Variants in POU2F3 observed in about 807,000 individuals in gnomAD.
POU2F3 encodes the protein POU class 2 homeobox 3, also known as POU domain, class 2, transcription factor 3.
Under a neutral mutation model 59.2 loss-of-function variants are expected in POU2F3, and 23 were observed. That is an observed-to-expected ratio of 0.39 (90% confidence interval 0.28 to 0.55). The LOEUF is 0.55. Among genes scored for constraint, POU2F3 ranks in the 20% least tolerant of loss-of-function variants. The pLI is 0.66. For missense variants in POU2F3, 473 were observed against 544.5 expected (o/e 0.87, Z 1.31); for synonymous variants, 190 against 214.6 (o/e 0.89, Z 1.00).
chr11:120,292,111 A>G (rs1941045039), intron 3 of POU2F3, among the ~76,000 whole-genome samples: 1 of 152,136 alleles, frequency 6.6e-6, no homozygotes, highest in Non-Finnish European at 1.5e-5. Context: ...CCCAGCCTGA[A>G]TTTCTTAAGT....
chr11:120,315,535 A>G (rs1201514785), intron 11 of POU2F3, 108 bp downstream of exon 11: 15 of 1,030,482 alleles, frequency 1.5e-5, no homozygotes, highest in Non-Finnish European at 2.0e-5. Flanking sequence ...ATGCATTTCA[A>G]AGGATATTAA....
chr11:120,249,507 G>C (rs956019897), intron 2 of POU2F3, among the ~76,000 whole-genome samples: 3 of 152,148 alleles, frequency 2.0e-5, no homozygotes, highest in African/African-American at 4.8e-5. Context: ...ACCGCACCGG[G>C]ACTTTTCTCC....
At chr11:120,289,583 T>G (rs1218308744) in intron 3 of POU2F3, among the ~76,000 whole-genome samples, 4 of 152,126 alleles carry the variant, frequency 2.6e-5, no homozygotes, top group Non-Finnish European at 4.4e-5. Flanking sequence ...ACAGCAGCAG[T>G]CCCAAATTGC....
intron 1 of POU2F3, among the ~76,000 whole-genome samples, chr11:120,243,595 G>A (rs1429141574): frequency 6.6e-6 from 1 of 152,122 alleles, no homozygotes; most frequent in Non-Finnish European, 1.5e-5. Flanking sequence ...GAGGAGCCTG[G>A]CCCCACCCCA....
At chr11:120,238,755 A>T (rs1184164653), upstream of POU2F3, among the ~76,000 whole-genome samples, 2 of 142,926 alleles carry the variant, frequency 1.4e-5, no homozygotes, top group African/African-American at 5.2e-5. Flanking sequence ...GCTTGAACCC[A>T]GGAGGTGGAG....
At chr11:120,278,759 T>C (rs769419364) in intron 3 of POU2F3, among the ~76,000 whole-genome samples, 24 of 152,084 alleles carry the variant, frequency 1.6e-4, no homozygotes, top group Non-Finnish European at 2.1e-4. Flanking sequence ...CACAAGGGCC[T>C]GTCAGGGGGT....
rs146961801 is a variant in POU2F3, at chr11:120,281,305, G to GGGGT, written c.132+12063_132+12066dup. On this transcript the variant is annotated intron_variant, in intron 3 of 12. Coordinates refer to ENST00000543440, the MANE Select transcript of POU2F3 (RefSeq NM_014352.4). ...TTCCACTCACAAGAACTGTGTCAAG[G>GGGGT]GGGTGTTAGTGCTCTCATTTAACAA... Among the ~76,000 whole-genome samples, 73 of 151,838 alleles carry GGGGT rather than the reference G, an allele frequency of 4.8e-4. 1 individual carries two copies. The East Asian group carries it at 0.012, about 24-fold the overall frequency.
upstream of POU2F3, chr11:120,236,802 C>T (rs1316020236): frequency 2.9e-5 from 36 of 1,234,104 alleles, no homozygotes; most frequent in Non-Finnish European, 3.4e-5. Context: ...GCTCACCATT[C>T]CCCCTCAACC....
At chr11:120,244,113 T>G (rs895035866) in intron 1 of POU2F3, among the ~76,000 whole-genome samples, 1 of 152,190 alleles carries the variant, frequency 6.6e-6, no homozygotes, top group Admixed American at 6.5e-5. Flanking sequence ...ATTCAGAGAC[T>G]CTGGTCATCA....
At chr11:120,255,286 A>AC (rs1939288363) in intron 2 of POU2F3, among the ~76,000 whole-genome samples, 1 of 151,840 alleles carries the variant, frequency 6.6e-6, no homozygotes, top group African/African-American at 2.4e-5. Context: ...AGCTGGGGAC[A>AC]CTCCACCTGC....
At chr11:120,306,223 G>C (rs1387415774) in intron 8 of POU2F3, among the ~76,000 whole-genome samples, 2 of 152,288 alleles carry the variant, frequency 1.3e-5, no homozygotes, top group East Asian at 3.9e-4. Context: ...CTTTCCCTGG[G>C]TAGTTCTTGA....
chr11:120,253,001 G>C (rs1428560078), intron 2 of POU2F3, among the ~76,000 whole-genome samples: 1 of 152,154 alleles, frequency 6.6e-6, no homozygotes, highest in East Asian at 1.9e-4. Context: ...GGTGTGGGAG[G>C]CATCCATAAG....
At chr11:120,291,219 C>G (rs2135263057) in intron 3 of POU2F3, among the ~76,000 whole-genome samples, 1 of 152,288 alleles carries the variant, frequency 6.6e-6, no homozygotes, top group South Asian at 2.1e-4. Context: ...AGGGCTACAA[C>G]TGAGTTATTA....
chr11:120,291,801 C>CT (rs1369496999), intron 3 of POU2F3, among the ~76,000 whole-genome samples: 17 of 144,684 alleles, frequency 1.2e-4, no homozygotes, highest in African/African-American at 4.5e-4. Flanking sequence ...TTATAAATTT[C>CT]TTTTCTTTTT....
chr11:120,261,535 A>G (rs1470849881), intron 2 of POU2F3, among the ~76,000 whole-genome samples: 1 of 152,148 alleles, frequency 6.6e-6, no homozygotes, highest in Non-Finnish European at 1.5e-5. Context: ...CTTGGCACAG[A>G]TCTCATCCAT....
intron 11 of POU2F3, among the ~76,000 whole-genome samples, chr11:120,316,742 TTTCTA>T: frequency 1.3e-5 from 2 of 152,222 alleles, no homozygotes; most frequent in Non-Finnish European, 2.9e-5. Flanking sequence ...ATTACTCTAG[TTTCTA>T]GAAAACCAAG....
intron 3 of POU2F3, among the ~76,000 whole-genome samples, chr11:120,278,182 G>T (rs535909742): frequency 6.6e-6 from 1 of 152,286 alleles, no homozygotes; most frequent in African/African-American, 2.4e-5. Context: ...TTATAGTCAG[G>T]CTGTTCACCG....
intron 5 of POU2F3, among the ~76,000 whole-genome samples, chr11:120,299,934 C>T (rs1941301869): frequency 6.6e-6 from 1 of 152,238 alleles, no homozygotes; most frequent in Non-Finnish European, 1.5e-5. Context: ...GCTTCCCCTT[C>T]CCAGCCTCCT....
intron 2 of POU2F3, among the ~76,000 whole-genome samples, chr11:120,258,312 G>C (rs955058717): frequency 2.6e-5 from 4 of 152,162 alleles, no homozygotes; most frequent in Non-Finnish European, 5.9e-5. Flanking sequence ...TGGCAAGGCT[G>C]GGGTAAGGCT....
Sources: gnomAD v4.1 joint callset for allele counts (sites outside exome capture counted in the v4.1 genomes callset) on GRCh38, gnomAD v4.1.1 for gene constraint, MANE v1.5 for transcripts, NCBI Gene and HGNC (gene_info 2026-07-23, HGNC 2026-07-21) for gene names.